The following CACNB2 variants were observed in gnomAD, a reference collection of about 807,000 sequenced individuals.
CACNB2 encodes voltage-dependent L-type calcium channel subunit beta-2.
Under a neutral mutation model 73.3 loss-of-function variants are expected in CACNB2, and 42 were observed. The ratio of observed to expected loss-of-function variants is 0.57; its 90% CI spans 0.45 to 0.74. The LOEUF is 0.74. CACNB2 is among the 30% of genes least tolerant of loss of function. The pLI is 0.00. For missense variants in CACNB2, 940 were observed against 853.0 expected, an observed-to-expected ratio of 1.10 and a Z score of -1.27; for synonymous variants, 348 against 310.3, an observed-to-expected ratio of 1.12 and a Z score of -1.28.
intron 2 of CACNB2, among the ~76,000 whole-genome samples, chr10:18,384,328 C>T (rs947926962): frequency 4.6e-5 from 7 of 152,026 alleles, no homozygotes; most frequent in Admixed American, 2.0e-4. Flanking sequence ...GTGTATATTA[C>T]GTGAAAAATT....
intron 2 of CACNB2, among the ~76,000 whole-genome samples, chr10:18,325,891 C>T (rs1221312548): frequency 6.6e-6 from 1 of 151,830 alleles, no homozygotes; most frequent in African/African-American, 2.4e-5. Context: ...ACCAGAGGCG[C>T]ACACCACCAT....
intron 2 of CACNB2, among the ~76,000 whole-genome samples, chr10:18,353,127 C>T (rs1165805516): frequency 6.6e-6 from 1 of 151,996 alleles, no homozygotes; most frequent in Non-Finnish European, 1.5e-5. Flanking sequence ...ATTTATGGTT[C>T]TATGCCAGGT....
At chr10:18,510,871 G>A (rs1389596328) in intron 6 of CACNB2, among the ~76,000 whole-genome samples, 1 of 152,188 alleles carries the variant, frequency 6.6e-6, no homozygotes, top group Non-Finnish European at 1.5e-5. Context: ...AACATGTATT[G>A]TAGGAATAAT....
chr10:18,208,739 C>G (rs1365170733), intron 2 of CACNB2, among the ~76,000 whole-genome samples: 1 of 140,484 alleles, frequency 7.1e-6, no homozygotes, highest in African/African-American at 2.7e-5. Context: ...GGACTGAAGT[C>G]CTTTTCTGTA....
chr10:18,300,237 G>T (rs2039453952), intron 2 of CACNB2, among the ~76,000 whole-genome samples: 1 of 152,072 alleles, frequency 6.6e-6, no homozygotes. Context: ...GGTCAGGCTG[G>T]TCTCAAACTC....
At chr10:18,162,095 A>G (rs1374935390) in intron 2 of CACNB2, among the ~76,000 whole-genome samples, 2 of 152,176 alleles carry the variant, frequency 1.3e-5, no homozygotes, top group African/African-American at 4.8e-5. Context: ...ATATTTAAAA[A>G]CAAGGCTATA....
intron 2 of CACNB2, chr10:18,262,027 T>C: frequency 1.9e-6 from 1 of 518,860 alleles, no homozygotes; most frequent in Non-Finnish European, 3.8e-6. Context: ...TCATACTCCT[T>C]TTGCGAGCAG....
At chr10:18,479,075 A>C (rs959702934) in intron 3 of CACNB2, among the ~76,000 whole-genome samples, 12 of 151,994 alleles carry the variant, frequency 7.9e-5, no homozygotes, top group African/African-American at 2.9e-4. Context: ...AAAAAAGAAG[A>C]CACCTCTTCA....
At chr10:18,484,535 A>G (rs2132874974) in intron 3 of CACNB2, among the ~76,000 whole-genome samples, 1 of 152,354 alleles carries the variant, frequency 6.6e-6, no homozygotes, top group African/African-American at 2.4e-5. Context: ...CAGCAGCTAC[A>G]CAAAAGATGT....
chr10:18,172,893 A>T (rs899669868), intron 2 of CACNB2, among the ~76,000 whole-genome samples: 2 of 147,642 alleles, frequency 1.4e-5, no homozygotes, highest in Non-Finnish European at 1.5e-5. Flanking sequence ...GCGAGTTTCA[A>T]TTCATCTTCA....
At position 18,146,306 on chromosome 10, in the gene CACNB2, A is replaced by AT. The variant is rs10714038; in HGVS notation, c.121-4556dup. Among the ~76,000 whole-genome samples, 1,053 of 118,906 alleles carry AT rather than the reference A, an allele frequency of 8.9e-3. 13 individuals carry two copies. The highest frequency in any genetic ancestry group is 0.013 in the African/African-American group (389 of 30,458). The allele number at this position is 118,906 out of a possible 152,430, so 78.0% of individuals were successfully genotyped here. On this transcript the variant is annotated intron_variant, in intron 1 of 13. Coordinates refer to ENST00000324631, the MANE Select transcript of CACNB2 (RefSeq NM_201596.3). ...TACGAACTGAGAGAGATGGAGACTA[A>AT]TTTTTTTTTTTTTTTTTTTTTGAGA...
chr10:18,524,269 A>G (rs2052226920), intron 9 of CACNB2, among the ~76,000 whole-genome samples: 1 of 151,944 alleles, frequency 6.6e-6, no homozygotes, highest in African/African-American at 2.4e-5. Context: ...AACGTCAGCA[A>G]TCAGCCCTGA....
At chr10:18,502,716 A>T (rs78602470) in intron 5 of CACNB2, among the ~76,000 whole-genome samples, 2 of 146,506 alleles carry the variant, frequency 1.4e-5, no homozygotes, top group South Asian at 4.2e-4. Context: ...AAAAAAAAAA[A>T]AAAAAAAACC....
chr10:18,432,700 G>T (rs557352060), intron 3 of CACNB2, among the ~76,000 whole-genome samples: 1 of 152,072 alleles, frequency 6.6e-6, no homozygotes, highest in Non-Finnish European at 1.5e-5. Context: ...GCCCAGCATG[G>T]TGGAGTGTAC....
rs999632088 is a variant in CACNB2 at position 18,374,570 on chromosome 10, A to T, written c.214-27354A>T. ...TAGTGAGACCCTGTCTTTATTTTTT[A>T]AAAAATAGAAAATTTAAAAGAAATT... On this transcript the variant is annotated intron_variant, in intron 2 of 13. Transcript: ENST00000324631. 9.2e-5 allele frequency among the ~76,000 whole-genome samples: 14 copies of T among 152,124 alleles called. 1 individual carries two copies. Among genetic ancestry groups the T allele is most frequent in the South Asian group, 6.2e-4 (3 of 4,820 alleles).
At chr10:18,173,225 G>A (rs956495927) in intron 2 of CACNB2, among the ~76,000 whole-genome samples, 2 of 152,090 alleles carry the variant, frequency 1.3e-5, no homozygotes, top group Non-Finnish European at 2.9e-5. Flanking sequence ...TGGCCATAAG[G>A]CCTATCTTAT....
intron 2 of CACNB2, among the ~76,000 whole-genome samples, chr10:18,335,495 G>C (rs990314139): frequency 3.9e-5 from 6 of 152,162 alleles, no homozygotes; most frequent in Admixed American, 2.0e-4. Flanking sequence ...TCAGGAGGCT[G>C]AGGCATGAGG....
intron 2 of CACNB2, among the ~76,000 whole-genome samples, chr10:18,349,678 G>A (rs886235520): frequency 6.6e-6 from 1 of 151,548 alleles, no homozygotes; most frequent in African/African-American, 2.4e-5. Flanking sequence ...GAAGAGGGGA[G>A]TGGAGAGTTA....
intron 3 of CACNB2, among the ~76,000 whole-genome samples, chr10:18,439,363 A>G (rs2046305149): frequency 1.3e-5 from 2 of 152,214 alleles, no homozygotes; most frequent in Admixed American, 6.5e-5. Flanking sequence ...TTCCTGGTAC[A>G]GCAGAGGGGA....
Sources: allele counts gnomAD v4.1 joint callset (sites outside exome capture counted in the v4.1 genomes callset), GRCh38; gene constraint gnomAD v4.1.1; transcripts MANE v1.5; gene names NCBI Gene and HGNC (gene_info 2026-07-23, HGNC 2026-07-21).